TNRC18: variants seen among roughly 807,000 people sequenced by gnomAD.
The protein encoded by TNRC18 is trinucleotide repeat-containing gene 18 protein.
Under a neutral mutation model 226.7 loss-of-function variants are expected in TNRC18, and 69 were observed. The observed-to-expected ratio is 0.30, with a 90% CI of 0.25 to 0.37. The LOEUF (loss-of-function observed/expected upper bound fraction) is 0.37, where lower values mean the gene tolerates loss of function less well. Ranked by LOEUF, TNRC18 falls within the 10% of genes least tolerant of loss-of-function variation. The pLI is 1.00. For synonymous variants in TNRC18, 2,449 were observed against 1,927.6 expected, an observed-to-expected ratio of 1.27 and a Z score of -7.09; for missense variants, 4,754 against 4,256.6, an observed-to-expected ratio of 1.12 and a Z score of -3.25.
chr7:5,418,335 T>G (rs1169809383), intron 2 of TNRC18, among the ~76,000 whole-genome samples: 1 of 152,166 alleles, frequency 6.6e-6, no homozygotes, highest in Admixed American at 6.5e-5. Flanking sequence ...CATTCTTAAA[T>G]TCACCTCCTC....
At chr7:5,336,871 G>C (rs1478417969) in intron 18 of TNRC18, among the ~76,000 whole-genome samples, 1 of 152,190 alleles carries the variant, frequency 6.6e-6, no homozygotes, top group Non-Finnish European at 1.5e-5. Context: ...GTTTGGGTGT[G>C]GGGGAACCAG....
At chr7:5,387,583 G>A in intron 5 of TNRC18, 89 bp downstream of exon 5, 9 of 1,523,914 alleles carry the variant, frequency 5.9e-6, no homozygotes, top group Non-Finnish European at 7.9e-6. Context: ...CTTAGCAATA[G>A]CAAAGGGAAA....
rs369628537 is a variant in TNRC18, at chr7:5,312,858, G to T, written c.8033C>A (p.Ser2678Tyr). ...SSSSTTDEDS[S>Y]CSSDDEAAPA... ...GGCTGCCTCATCGTCCGAGCTGCAGGAAGAGTCCTCGTCTGTGGTGGAGGA... is the reference window on the plus strand; with the variant it reads ...GGCTGCCTCATCGTCCGAGCTGCAGTAAGAGTCCTCGTCTGTGGTGGAGGA... Residue 2678 changes from serine to tyrosine, a missense_variant, in exon 27 of 30, where the codon TCC (serine) becomes TAC (tyrosine). By Grantham distance (144) the Ser-to-Tyr change is moderately radical. Coordinates refer to ENST00000430969, the MANE Select transcript of TNRC18 (RefSeq NM_001080495.3). This position sits in a 1 kb window ranked among gnomAD's most constrained non-coding sequence, Gnocchi z 6.3. 23 of 1,527,090 alleles carry T rather than the reference G, an allele frequency of 1.5e-5. No individual in the cohort carries two copies. In the African/African-American group the frequency reaches 3.0e-4, roughly 20 times the overall value. 94.6% of individuals were successfully genotyped at this position (1,527,090 alleles called of 1,614,324 possible). A position where few individuals can be genotyped will look rare whatever the true frequency, so the allele number is the denominator to read the frequency against.
chr7:5,402,598 A>T (rs1009389578), intron 2 of TNRC18, among the ~76,000 whole-genome samples: 8 of 151,990 alleles, frequency 5.3e-5, no homozygotes, highest in Non-Finnish European at 1.2e-4. Flanking sequence ...TCACGCCTGT[A>T]ATCCCAGCAC....
chr7:5,336,144 T>G lies in TNRC18; in HGVS notation c.5720-3095A>C, dbSNP rs1318794079. 2.7e-5 allele frequency among the ~76,000 whole-genome samples: 4 copies of G among 149,644 alleles called. No homozygotes were observed. In the East Asian group the frequency reaches 6.0e-4, roughly 22 times the overall value. Reference sequence around the variant, plus strand: ...ATTACTTGAGCCCAGGAGGCGGAGGTTGCCATGAGCAGAGATCACACCACT... The same window carrying G: ...ATTACTTGAGCCCAGGAGGCGGAGGGTGCCATGAGCAGAGATCACACCACT... On this transcript the variant is annotated intron_variant, in intron 18 of 29. Transcript: ENST00000430969.
intron 4 of TNRC18, 104 bp from the exon 5 acceptor site, chr7:5,389,440 TC>T: frequency 9.1e-7 from 1 of 1,094,370 alleles, no homozygotes; most frequent in Non-Finnish European, 1.1e-6. Context: ...AACCCATGCC[TC>T]CCCCAGTGTT....
chr7:5,405,722 C>A (rs1224548870), intron 2 of TNRC18, among the ~76,000 whole-genome samples: 1 of 151,922 alleles, frequency 6.6e-6, no homozygotes, highest in Non-Finnish European at 1.5e-5. Flanking sequence ...CAAGCCTGGG[C>A]AACAGAGCAA....
In TNRC18 at chr7:5,312,246, G is replaced by C. The variant is rs1180598926; in HGVS notation, c.8388+257C>G. Among the ~76,000 whole-genome samples, 2 of 152,220 alleles carry C rather than the reference G, an allele frequency of 1.3e-5. No homozygotes were observed. The highest frequency in any genetic ancestry group is 4.8e-5 in the African/African-American group (2 of 41,454). ...CACGTTTCCTTCATCTGGGCTCCAC[G>C]AGGGTGGCTCTGCGTCCCGGGACCA... On this transcript the variant is annotated intron_variant, in intron 27 of 29. Transcript: ENST00000430969. This position sits in a 1 kb window ranked among gnomAD's most constrained non-coding sequence, Gnocchi z 6.3.
At chr7:5,338,607 C>T (rs1404164856) in intron 18 of TNRC18, among the ~76,000 whole-genome samples, 10 of 122,980 alleles carry the variant, frequency 8.1e-5, no homozygotes, top group Admixed American at 3.7e-4. Context: ...GCCTGGGCAA[C>T]GCTGCACATT....
In TNRC18 at chr7:5,405,955, G is replaced by A. The variant is rs565375369; in HGVS notation, c.188-11360C>T. Reference sequence around the variant, plus strand: ...ACGTTGAAATCCAGAACTCGAACACGTATTTGCACACCCATGTTCATAGCA... The same window carrying A: ...ACGTTGAAATCCAGAACTCGAACACATATTTGCACACCCATGTTCATAGCA... On this transcript the variant is annotated intron_variant, in intron 2 of 29. Coordinates refer to ENST00000430969, the MANE Select transcript of TNRC18 (RefSeq NM_001080495.3). Among the ~76,000 whole-genome samples, 6 of 152,236 alleles carry A rather than the reference G, an allele frequency of 3.9e-5. No homozygotes were observed. The East Asian group carries it at 5.8e-4, about 15-fold the overall frequency.
chr7:5,349,676 G>C (rs552702642), intron 17 of TNRC18, among the ~76,000 whole-genome samples: 1 of 152,356 alleles, frequency 6.6e-6, no homozygotes, highest in Admixed American at 6.5e-5. Flanking sequence ...CCTTCGCTTT[G>C]CGTCCAGAGT....
Position 5,370,809 on chromosome 7 carries a change from A to G in TNRC18, c.3785T>C (p.Val1262Ala), listed in dbSNP as rs1794073303. The G allele has an allele frequency of 1.2e-6, 2 of 1,607,538 alleles. No homozygotes were observed. The highest frequency in any genetic ancestry group is 2.2e-5 in the East Asian group (1 of 44,688). Reference protein sequence around the residue: ...ETLVEAKEEPVEVPVAVPVVE... With the variant: ...ETLVEAKEEPAEVPVAVPVVE... ...CACGGGCACCGCCACAGGCACCTCC[A>G]CCGGCTCCTCCTTGGCCTCCACCAG... Residue 1262 changes from valine to alanine, a missense_variant, in exon 11 of 30, where the codon GTG (valine) becomes GCG (alanine). Physicochemically the swap from Val to Ala is moderately conservative, Grantham distance 64. Transcript: ENST00000430969.
Position 5,389,479 on chromosome 7 carries a change from A to T in TNRC18, c.488-143T>A, listed in dbSNP as rs1212465974. ...GGTTTTGGTTTTTTTTTTCAGAAAG[A>T]GTCTCGCTCTCCTCACCCAGGCTGG... On this transcript the variant is annotated intron_variant, in intron 4 of 29. Coordinates refer to ENST00000430969, the MANE Select transcript of TNRC18 (RefSeq NM_001080495.3). 2.3e-5 allele frequency: 6 copies of T among 264,264 alleles called. No individual in the cohort carries two copies. The African/African-American group carries it at 1.0e-3, about 44-fold the overall frequency. The allele number at this position is 264,264 out of a possible 1,614,324, so 16.4% of individuals were successfully genotyped here.
chr7:5,388,795 C>A lies in TNRC18; in HGVS notation c.1029G>T (p.Lys343Asn), dbSNP rs999263213. The A allele has an allele frequency of 4.2e-6, 5 of 1,201,162 alleles. No individual in the cohort carries two copies. The African/African-American group carries it at 8.2e-5, about 20-fold the overall frequency. The allele number at this position is 1,201,162 out of a possible 1,614,324, so 74.4% of individuals were successfully genotyped here. A position where few individuals can be genotyped will look rare whatever the true frequency, so the allele number is the denominator to read the frequency against. Reference sequence around the variant, plus strand: ...TGGCCGCGGGGGGTGCAGGAGGCCCCTTGGGGGGCGCGGGCGGCGGGGGCA... The same window carrying A: ...TGGCCGCGGGGGGTGCAGGAGGCCCATTGGGGGGCGCGGGCGGCGGGGGCA... Reference protein sequence around the residue: ...SPLPPPPAPPKGPPAPPAATP... With the variant: ...SPLPPPPAPPNGPPAPPAATP... Residue 343 changes from lysine (K) to asparagine (N), a missense_variant, in exon 5 of 30, where the codon AAG (lysine) becomes AAT (asparagine). Physicochemically the swap from Lys to Asn is moderately conservative, Grantham distance 94 (BLOSUM62 0). Coordinates refer to ENST00000430969, the MANE Select transcript of TNRC18 (RefSeq NM_001080495.3).
chr7:5,349,088 G>A lies in TNRC18; in HGVS notation c.5470+2731C>T, dbSNP rs116458354. 9.3e-4 allele frequency among the ~76,000 whole-genome samples: 141 copies of A among 152,154 alleles called. 1 individual carries two copies. Among genetic ancestry groups the A allele is most frequent in the African/African-American group, 3.0e-3 (123 of 41,580 alleles). ...GGAATTCTCAAGCAGCTGGGGCTGCGGGGGGAGGGCGAGCTCTGGGTTTCT... is the reference window on the plus strand; with the variant it reads ...GGAATTCTCAAGCAGCTGGGGCTGCAGGGGGAGGGCGAGCTCTGGGTTTCT... On this transcript the variant is annotated intron_variant, in intron 17 of 29. Transcript: ENST00000430969.
chr7:5,353,170 A>G (rs918358501), intron 16 of TNRC18, among the ~76,000 whole-genome samples: 1 of 152,092 alleles, frequency 6.6e-6, no homozygotes, highest in Non-Finnish European at 1.5e-5. Flanking sequence ...GTATGCTCCA[A>G]TCTGTCCCTC....
chr7:5,317,262 G>A (rs546689584), intron 24 of TNRC18, among the ~76,000 whole-genome samples: 1 of 152,066 alleles, frequency 6.6e-6, no homozygotes. Flanking sequence ...CAAGCAGAAG[G>A]AGGGGGGACC....
At chr7:5,401,187 A>C (rs1035127122) in intron 2 of TNRC18, among the ~76,000 whole-genome samples, 11 of 130,786 alleles carry the variant, frequency 8.4e-5, no homozygotes, top group Non-Finnish European at 4.7e-5. Flanking sequence ...CCCTTCTAGA[A>C]ACTGTATGGT....
intron 18 of TNRC18, among the ~76,000 whole-genome samples, chr7:5,341,246 C>T (rs1036386565): frequency 7.8e-5 from 11 of 140,318 alleles, no homozygotes; most frequent in African/African-American, 2.7e-4. Context: ...CCTGTCTCTA[C>T]TAAAAAAAAA....
Sources: gnomAD v4.1 joint callset for allele counts (sites outside exome capture counted in the v4.1 genomes callset) on GRCh38, gnomAD v4.1.1 for gene constraint, Gnocchi (gnomAD v3.1) non-coding constraint, MANE v1.5 for transcripts, NCBI Gene and HGNC (gene_info 2026-07-23, HGNC 2026-07-21) for gene names.